The following MIPEP variants were observed in gnomAD, a reference collection of about 807,000 sequenced individuals.
The protein encoded by MIPEP is mitochondrial intermediate peptidase.
In MIPEP, 79 loss-of-function variants were observed where a neutral mutation model predicts 90.3. That is an observed-to-expected ratio of 0.87 (90% CI 0.73 to 1.05). The LOEUF (loss-of-function observed/expected upper bound fraction) is 1.05, where lower values mean the gene tolerates loss of function less well. Among genes scored for constraint, MIPEP ranks in the 50% least tolerant of loss-of-function variants. The probability of loss-of-function intolerance (pLI) is 0.00; values close to 1 mark genes in which losing one functional copy is unlikely to be tolerated. For synonymous variants in MIPEP, 334 were observed against 315.8 expected (o/e 1.06, Z -0.61); for missense variants, 940 against 905.6 (o/e 1.04, Z -0.49).
At chr13:23,873,865 G>A (rs1202591535) in intron 5 of MIPEP, among the ~76,000 whole-genome samples, 5 of 152,182 alleles carry the variant, frequency 3.3e-5, no homozygotes, top group African/African-American at 4.8e-5. Flanking sequence ...ATGGGCTGCT[G>A]GGAAGGCACG....
At chr13:23,753,192 C>T (rs1217898878) in intron 18 of MIPEP, among the ~76,000 whole-genome samples, 1 of 149,004 alleles carries the variant, frequency 6.7e-6, no homozygotes, top group Non-Finnish European at 1.5e-5. Flanking sequence ...CGTGCCACTG[C>T]ACTCCAGCCT....
At chr13:23,884,220 A>C (rs866125891) in intron 2 of MIPEP, among the ~76,000 whole-genome samples, 14 of 105,920 alleles carry the variant, frequency 1.3e-4, no homozygotes, top group Non-Finnish European at 2.3e-4. Context: ...GTTAGTGGGG[A>C]GGGGGGGGTG....
intron 16 of MIPEP, among the ~76,000 whole-genome samples, chr13:23,790,321 A>G (rs564139007): frequency 6.6e-6 from 1 of 151,864 alleles, no homozygotes; most frequent in South Asian, 2.1e-4. Flanking sequence ...CACCAATCCT[A>G]CTCCTGTTAG....
intron 1 of MIPEP, among the ~76,000 whole-genome samples, chr13:23,887,487 C>T (rs1871549349): frequency 6.6e-6 from 1 of 152,122 alleles, no homozygotes; most frequent in South Asian, 2.1e-4. Context: ...AGACAGAACT[C>T]GAACCCGCTC....
intron 14 of MIPEP, among the ~76,000 whole-genome samples, chr13:23,824,986 T>C (rs908115088): frequency 6.6e-6 from 1 of 152,270 alleles, no homozygotes; most frequent in African/African-American, 2.4e-5. Context: ...TCTAAAAATA[T>C]TCCAATAATA....
intron 11 of MIPEP, among the ~76,000 whole-genome samples, chr13:23,840,166 C>T (rs972279972): frequency 6.6e-6 from 1 of 152,200 alleles, no homozygotes; most frequent in Non-Finnish European, 1.5e-5. Flanking sequence ...TAAAAATCAG[C>T]AATATTACTA....
intron 16 of MIPEP, among the ~76,000 whole-genome samples, chr13:23,784,496 A>G (rs1419990641): frequency 2.0e-5 from 3 of 152,218 alleles, no homozygotes; most frequent in Non-Finnish European, 4.4e-5. Flanking sequence ...TTCAAGGTGG[A>G]TTAAAGACTT....
At chr13:23,845,582 T>C (rs1222171207) in intron 10 of MIPEP, among the ~76,000 whole-genome samples, 1 of 152,226 alleles carries the variant, frequency 6.6e-6, no homozygotes, top group East Asian at 1.9e-4. Flanking sequence ...GATGCCATAG[T>C]GAAATGTCCT....
At chr13:23,879,194 G>C in intron 4 of MIPEP, 74 bp downstream of exon 4, 1 of 830,904 alleles carries the variant, frequency 1.2e-6, no homozygotes, top group Non-Finnish European at 2.0e-6. Context: ...CAAGTACAGA[G>C]GCCCTGAGGG....
At chr13:23,851,520 T>G (rs958265050) in intron 10 of MIPEP, among the ~76,000 whole-genome samples, 1 of 152,152 alleles carries the variant, frequency 6.6e-6, no homozygotes, top group African/African-American at 2.4e-5. Context: ...ACTGGGTAAA[T>G]GACTGAGGAA....
chr13:23,791,239 C>T (rs1008746842), intron 16 of MIPEP, among the ~76,000 whole-genome samples: 9 of 152,178 alleles, frequency 5.9e-5, no homozygotes, highest in African/African-American at 2.2e-4. Flanking sequence ...CTGGTGAAAG[C>T]TAGGCACCGA....
intron 18 of MIPEP, among the ~76,000 whole-genome samples, chr13:23,733,517 A>T (rs1952227298): frequency 6.6e-6 from 1 of 152,110 alleles, no homozygotes; most frequent in Non-Finnish European, 1.5e-5. Flanking sequence ...GTCAAGTTTG[A>T]GGTGGAAGGG....
At chr13:23,864,353 A>G (rs1389091567) in intron 7 of MIPEP, among the ~76,000 whole-genome samples, 164 bp from the exon 8 acceptor site, 4 of 152,226 alleles carry the variant, frequency 2.6e-5, no homozygotes, top group African/African-American at 9.6e-5. Context: ...CATATAGTAA[A>G]TGCTTCTAGG....
intron 16 of MIPEP, among the ~76,000 whole-genome samples, chr13:23,804,987 C>A (rs972139208): frequency 2.0e-5 from 3 of 152,090 alleles, no homozygotes; most frequent in Non-Finnish European, 2.9e-5. Flanking sequence ...TGAAAGGAAC[C>A]CAGAAAAACA....
intron 16 of MIPEP, among the ~76,000 whole-genome samples, chr13:23,768,021 G>C (rs942117326): frequency 2.0e-5 from 3 of 152,210 alleles, no homozygotes; most frequent in Non-Finnish European, 4.4e-5. Context: ...ATGGCTGTGA[G>C]TAAAGGTGAC....
chr13:23,770,335 C>G (rs543770059), intron 16 of MIPEP, among the ~76,000 whole-genome samples: 5 of 152,292 alleles, frequency 3.3e-5, no homozygotes, highest in Admixed American at 2.0e-4. Context: ...TACTCTTCCC[C>G]CAGGTCGATC....
intron 4 of MIPEP, among the ~76,000 whole-genome samples, chr13:23,877,668 A>G (rs777630992): frequency 5.3e-5 from 8 of 152,250 alleles, no homozygotes; most frequent in Non-Finnish European, 7.3e-5. Flanking sequence ...TAAGAATAAC[A>G]TGATGAGTTA....
At position 23,760,121 on chromosome 13, in the gene MIPEP, A is replaced by G; in HGVS notation, c.1945T>C (p.Cys649Arg). 1 of 1,613,900 alleles carries G rather than the reference A, an allele frequency of 6.2e-7. No homozygotes were observed. The highest frequency in any genetic ancestry group is 8.5e-7 in the Non-Finnish European group (1 of 1,179,956). Residue 649 changes from cysteine to arginine, a missense_variant, in exon 17 of 19, where the codon TGT becomes CGT. Cys to Arg is a radical substitution (Grantham distance 180). Coordinates refer to ENST00000382172, the MANE Select transcript of MIPEP (RefSeq NM_005932.4). ...CTGTTGAAAGGATCCTGTAGAAAAC[A>G]CTCCTTCCAAACCATGGAGGCGACC... ...RAVASMVWKE[C>R]FLQDPFNRAA...
At chr13:23,876,694 TC>T (rs66593345) in intron 4 of MIPEP, among the ~76,000 whole-genome samples, 31,209 of 152,128 alleles carry the variant, frequency 0.21, 3,990 homozygotes, top group East Asian at 0.45. Flanking sequence ...ATTTGTGTGT[TC>T]TGACTTTGAA....
Sources: allele counts gnomAD v4.1 joint callset (sites outside exome capture counted in the v4.1 genomes callset), GRCh38; gene constraint gnomAD v4.1.1; transcripts MANE v1.5; gene names NCBI Gene and HGNC (gene_info 2026-07-23, HGNC 2026-07-21).